The following PTPRM variants were observed in gnomAD, a reference collection of about 807,000 sequenced individuals.
The protein encoded by PTPRM is receptor-type tyrosine-protein phosphatase mu.
PTPRM carries 47 observed loss-of-function variants against 186.7 expected under a neutral mutation model. The ratio of observed to expected loss-of-function variants is 0.25; its 90% CI spans 0.20 to 0.32. PTPRM has a LOEUF of 0.32. PTPRM is among the 10% of genes least tolerant of loss of function. The pLI, the probability that PTPRM is intolerant of heterozygous loss-of-function variation, is 1.00. For synonymous variants in PTPRM, 668 were observed against 674.9 expected, an observed-to-expected ratio of 0.99 and a Z score of 0.16; for missense variants, 1,494 against 1,865.0, an observed-to-expected ratio of 0.80 and a Z score of 3.66.
chr18:7,835,654 T>C (rs2046007022), intron 2 of PTPRM, among the ~76,000 whole-genome samples: 1 of 152,138 alleles, frequency 6.6e-6, no homozygotes, highest in Non-Finnish European at 1.5e-5. Context: ...CAACAAATAC[T>C]GAAAGTGGGA....
At chr18:7,981,739 G>A (rs1434820668) in intron 7 of PTPRM, among the ~76,000 whole-genome samples, 1 of 152,160 alleles carries the variant, frequency 6.6e-6, no homozygotes, top group African/African-American at 2.4e-5. Context: ...CCAATCAGAG[G>A]TAGCAAGGCC....
intron 2 of PTPRM, among the ~76,000 whole-genome samples, chr18:7,839,760 C>T (rs115226595): frequency 0.014 from 2,126 of 152,192 alleles, 44 homozygotes; most frequent in African/African-American, 0.048. Flanking sequence ...AGCACTAGGC[C>T]TCACCTACGA....
chr18:7,914,216 T>G (rs559615054), intron 4 of PTPRM, among the ~76,000 whole-genome samples: 7 of 152,288 alleles, frequency 4.6e-5, no homozygotes, highest in African/African-American at 1.7e-4. Flanking sequence ...TGACCTTTCA[T>G]TTTAAACATG....
intron 4 of PTPRM, among the ~76,000 whole-genome samples, chr18:7,919,377 T>A (rs2050737028): frequency 6.6e-6 from 1 of 152,128 alleles, no homozygotes; most frequent in Non-Finnish European, 1.5e-5. Context: ...TTTGTAATTT[T>A]TGAGTAGTAT....
chr18:8,296,158 G>T (rs759390871), intron 19 of PTPRM, among the ~76,000 whole-genome samples: 1 of 152,162 alleles, frequency 6.6e-6, no homozygotes, highest in Non-Finnish European at 1.5e-5. Flanking sequence ...CCCTGTGTTT[G>T]TAAGGTACTA....
At chr18:7,705,459 A>T (rs2144739997) in intron 1 of PTPRM, among the ~76,000 whole-genome samples, 1 of 152,054 alleles carries the variant, frequency 6.6e-6, no homozygotes, top group South Asian at 2.1e-4. Context: ...ATAGTTTTAA[A>T]ATATTCTTCA....
At chr18:8,386,031 G>A (rs1486396500) in intron 30 of PTPRM, among the ~76,000 whole-genome samples, 1 of 152,084 alleles carries the variant, frequency 6.6e-6, no homozygotes, top group Non-Finnish European at 1.5e-5. Flanking sequence ...TAGGATGATG[G>A]AATGGACACT....
At chr18:7,972,478 T>TAAAAAAAAAAAAAAAAAAAAAAAA (rs1491072208) in intron 7 of PTPRM, among the ~76,000 whole-genome samples, 1 of 8,130 alleles carries the variant, frequency 1.2e-4, no homozygotes, top group Non-Finnish European at 2.9e-4. Flanking sequence ...AAAAAAAACA[T>TAAAAAAAAAAAAAAAAAAAAAAAA]TAAAAAAAAA....
chr18:7,704,598 A>G (rs978128840), intron 1 of PTPRM, among the ~76,000 whole-genome samples: 1 of 151,366 alleles, frequency 6.6e-6, no homozygotes, highest in Non-Finnish European at 1.5e-5. Flanking sequence ...CTCTAACATT[A>G]GATGAAAGAA....
At chr18:8,130,585 G>C (rs2092479749) in intron 13 of PTPRM, among the ~76,000 whole-genome samples, 1 of 152,172 alleles carries the variant, frequency 6.6e-6, no homozygotes, top group Non-Finnish European at 1.5e-5. Flanking sequence ...TGAGCTTCCT[G>C]CTGGAATTTG....
chr18:8,104,653 G>C (rs1395671380), intron 11 of PTPRM, among the ~76,000 whole-genome samples: 1 of 152,000 alleles, frequency 6.6e-6, no homozygotes, highest in Non-Finnish European at 1.5e-5. Flanking sequence ...TCACTATCTT[G>C]CACAAGTTGG....
At chr18:8,011,818 A>G (rs8097946) in intron 7 of PTPRM, among the ~76,000 whole-genome samples, 148,610 of 152,364 alleles carry the variant, frequency 0.98, 72,498 homozygotes, top group East Asian at 1. Flanking sequence ...ACAATTTGAT[A>G]TTACCTGTGC....
intron 15 of PTPRM, among the ~76,000 whole-genome samples, chr18:8,244,447 T>C (rs947960096): frequency 2.0e-5 from 3 of 152,170 alleles, no homozygotes; most frequent in Non-Finnish European, 4.4e-5. Flanking sequence ...TGTAAAGATT[T>C]AGAGAGCAGT....
intron 9 of PTPRM, among the ~76,000 whole-genome samples, chr18:8,083,196 T>C (rs943084901): frequency 2.0e-5 from 3 of 152,130 alleles, no homozygotes; most frequent in Non-Finnish European, 2.9e-5. Flanking sequence ...CAGGGTGAAC[T>C]CTTTATAAGG....
intron 22 of PTPRM, among the ~76,000 whole-genome samples, chr18:8,329,358 G>A (rs376503677): frequency 6.6e-5 from 10 of 152,302 alleles, no homozygotes; most frequent in African/African-American, 2.4e-4. Context: ...AAACTGCATG[G>A]ACTAACGTTC....
intron 1 of PTPRM, among the ~76,000 whole-genome samples, chr18:7,650,740 A>C (rs1382666944): frequency 2.6e-5 from 4 of 152,048 alleles, no homozygotes; most frequent in Admixed American, 2.6e-4. Context: ...TTGTCAGCAG[A>C]AATGGTTGAA....
At chr18:8,069,109 C>CAAAAAA (rs71165767) in intron 7 of PTPRM, among the ~76,000 whole-genome samples, 3 of 78,620 alleles carry the variant, frequency 3.8e-5, no homozygotes, top group Non-Finnish European at 4.6e-5. Flanking sequence ...GACTCCGTCT[C>CAAAAAA]AAAAAAAAAA....
chr18:7,902,769 C>G (rs766818975), intron 3 of PTPRM, among the ~76,000 whole-genome samples: 1 of 150,676 alleles, frequency 6.6e-6, no homozygotes, highest in Non-Finnish European at 1.5e-5. Context: ...TTCTGTGACG[C>G]GATGGATGAA....
At chr18:7,586,820 C>A (rs1362039033) in intron 1 of PTPRM, among the ~76,000 whole-genome samples, 1 of 152,130 alleles carries the variant, frequency 6.6e-6, no homozygotes, top group African/African-American at 2.4e-5. Flanking sequence ...TTTTAAAATA[C>A]AACTTGTACA....
Sources: gnomAD v4.1 joint callset for allele counts (sites outside exome capture counted in the v4.1 genomes callset) on GRCh38, gnomAD v4.1.1 for gene constraint, MANE v1.5 for transcripts, NCBI Gene and HGNC (gene_info 2026-07-23, HGNC 2026-07-21) for gene names.